L3MBTL4: variants seen among roughly 807,000 people sequenced by gnomAD.
The protein encoded by L3MBTL4 is L3MBTL histone methyl-lysine binding protein 4, also known as lethal(3)malignant brain tumor-like protein 4.
L3MBTL4 carries 70 observed loss-of-function variants against 84.5 expected under a neutral mutation model. That is an observed-to-expected ratio of 0.83 (90% CI 0.68 to 1.01). The LOEUF (loss-of-function observed/expected upper bound fraction) is 1.01, where lower values mean the gene tolerates loss of function less well. L3MBTL4 is among the 50% of genes least tolerant of loss of function. The pLI, the probability that L3MBTL4 is intolerant of heterozygous loss-of-function variation, is 0.00. For synonymous variants in L3MBTL4, 274 were observed against 259.8 expected, an observed-to-expected ratio of 1.05 and a Z score of -0.52; for missense variants, 715 against 754.8, an observed-to-expected ratio of 0.95 and a Z score of 0.62.
chr18:6,336,404 G>A (rs7236088), intron 1 of L3MBTL4, among the ~76,000 whole-genome samples: 1 of 151,974 alleles, frequency 6.6e-6, no homozygotes, highest in Non-Finnish European at 1.5e-5. Flanking sequence ...AACACATGAA[G>A]AGTGTTACTC....
chr18:6,320,329 T>C (rs12969470), intron 1 of L3MBTL4, among the ~76,000 whole-genome samples: 47,950 of 151,942 alleles, frequency 0.32, 8,954 homozygotes, highest in Middle Eastern at 0.49. Flanking sequence ...GGCATCCACA[T>C]TGGAAGAGAC....
In L3MBTL4 at chr18:6,328,713, T is replaced by C. The variant is rs141786540; in HGVS notation, c.-90-16657A>G. On this transcript the variant is annotated intron_variant, in intron 1 of 18. Transcript: ENST00000317931. ...TTTCATTCAGCAAATAAAAAACTAGTACCACGGAAACTTTTTCTAATCTGA... is the reference window on the plus strand; with the variant it reads ...TTTCATTCAGCAAATAAAAAACTAGCACCACGGAAACTTTTTCTAATCTGA... Among the ~76,000 whole-genome samples, 37 of 152,308 alleles carry C rather than the reference T, an allele frequency of 2.4e-4. 1 individual carries two copies. In the East Asian group the frequency reaches 4.6e-3, roughly 19 times the overall value.
At chr18:6,168,822 C>T (rs1230246866) in intron 13 of L3MBTL4, among the ~76,000 whole-genome samples, 3 of 152,162 alleles carry the variant, frequency 2.0e-5, no homozygotes, top group African/African-American at 4.8e-5. Flanking sequence ...CCAAAATTGA[C>T]AAATGGGATC....
At chr18:5,990,390 G>A (rs1307905380) in intron 16 of L3MBTL4, among the ~76,000 whole-genome samples, 2 of 152,164 alleles carry the variant, frequency 1.3e-5, no homozygotes, top group Admixed American at 1.3e-4. Context: ...ATAGTACAAA[G>A]AGAAAATGTT....
At chr18:6,047,902 C>T (rs1245816020) in intron 16 of L3MBTL4, among the ~76,000 whole-genome samples, 1 of 152,148 alleles carries the variant, frequency 6.6e-6, no homozygotes, top group Non-Finnish European at 1.5e-5. Flanking sequence ...AAGTCCTAGC[C>T]AGAGCAATCA....
At chr18:6,170,820 G>A (rs1397252194) in intron 13 of L3MBTL4, among the ~76,000 whole-genome samples, 2 of 152,260 alleles carry the variant, frequency 1.3e-5, no homozygotes, top group East Asian at 1.9e-4. Context: ...CGAGACCAGA[G>A]GAAACCACAA....
chr18:6,066,628 T>G (rs2071853221), intron 16 of L3MBTL4, among the ~76,000 whole-genome samples: 1 of 152,180 alleles, frequency 6.6e-6, no homozygotes, highest in Admixed American at 6.5e-5. Context: ...CTGTCTTTTT[T>G]TAACTGTTGT....
At chr18:6,278,163 C>T (rs1375713925) in intron 4 of L3MBTL4, among the ~76,000 whole-genome samples, 4 of 151,880 alleles carry the variant, frequency 2.6e-5, no homozygotes, top group African/African-American at 4.8e-5. Context: ...TAGTGGTATC[C>T]CCGGCTGTTT....
intron 7 of L3MBTL4, 81 bp downstream of exon 7, chr18:6,243,213 C>T (rs554625970): frequency 3.5e-4 from 447 of 1,280,296 alleles, no homozygotes; most frequent in Non-Finnish European, 4.4e-4. Context: ...ATCTCTTCTT[C>T]GAATTTCATA....
intron 16 of L3MBTL4, among the ~76,000 whole-genome samples, chr18:6,064,838 T>A (rs537270477): frequency 3.9e-5 from 6 of 152,034 alleles, no homozygotes; most frequent in Non-Finnish European, 7.4e-5. Context: ...AGATGCTTTT[T>A]ATTTCTTTCC....
intron 13 of L3MBTL4, among the ~76,000 whole-genome samples, chr18:6,153,391 TC>T (rs1384373921): frequency 6.6e-6 from 1 of 152,200 alleles, no homozygotes; most frequent in African/African-American, 2.4e-5. Context: ...ACAATTTTTT[TC>T]AATTTCTTAA....
chr18:6,103,049 G>A (rs1289951735), intron 14 of L3MBTL4, among the ~76,000 whole-genome samples: 1 of 152,208 alleles, frequency 6.6e-6, no homozygotes, highest in Non-Finnish European at 1.5e-5. Flanking sequence ...AGCGTGCTAT[G>A]TAGCAACACT....
intron 16 of L3MBTL4, among the ~76,000 whole-genome samples, chr18:6,061,460 T>C (rs1442975324): frequency 6.6e-6 from 1 of 152,096 alleles, no homozygotes; most frequent in East Asian, 1.9e-4. Flanking sequence ...GCTTAATGAT[T>C]CTTTCATATA....
intron 1 of L3MBTL4, among the ~76,000 whole-genome samples, chr18:6,355,180 T>C (rs2053382083): frequency 6.6e-6 from 1 of 152,132 alleles, no homozygotes; most frequent in Admixed American, 6.5e-5. Flanking sequence ...GTTTTTTAAA[T>C]AACAATATGG....
At chr18:6,373,661 A>G (rs2054252254) in intron 1 of L3MBTL4, among the ~76,000 whole-genome samples, 1 of 152,170 alleles carries the variant, frequency 6.6e-6, no homozygotes, top group Non-Finnish European at 1.5e-5. Context: ...TGCACCGTAC[A>G]AAATACATCT....
chr18:6,375,316 C>T (rs1051073138), intron 1 of L3MBTL4, among the ~76,000 whole-genome samples: 18 of 152,158 alleles, frequency 1.2e-4, no homozygotes, highest in African/African-American at 4.1e-4. Context: ...CAGGCTGCCA[C>T]GGCTTCTGAG....
intron 10 of L3MBTL4, among the ~76,000 whole-genome samples, chr18:6,231,364 A>C (rs975455809): frequency 5.9e-5 from 9 of 151,904 alleles, no homozygotes; most frequent in African/African-American, 1.9e-4. Flanking sequence ...GTTTTTGCCT[A>C]CTTATCAAAG....
At chr18:6,214,361 T>A (rs2046239018) in intron 11 of L3MBTL4, among the ~76,000 whole-genome samples, 1 of 151,714 alleles carries the variant, frequency 6.6e-6, no homozygotes, top group Non-Finnish European at 1.5e-5. Context: ...CTTAACCAAA[T>A]CACAGAAACT....
At chr18:6,125,302 T>G (rs569346079) in intron 14 of L3MBTL4, among the ~76,000 whole-genome samples, 1 of 152,328 alleles carries the variant, frequency 6.6e-6, no homozygotes, top group African/African-American at 2.4e-5. Flanking sequence ...TTGGCATATG[T>G]ACAAGTTATG....
Sources: allele counts gnomAD v4.1 joint callset (sites outside exome capture counted in the v4.1 genomes callset), GRCh38; gene constraint gnomAD v4.1.1; transcripts MANE v1.5; gene names NCBI Gene and HGNC (gene_info 2026-07-23, HGNC 2026-07-21).